Variants in SORCS2 observed in about 807,000 individuals in gnomAD.
SORCS2 encodes sortilin related VPS10 domain containing receptor 2.
A neutral mutation model predicts 141.6 loss-of-function variants in SORCS2; 100 were observed. The ratio of observed to expected loss-of-function variants is 0.71; its 90% CI spans 0.60 to 0.83. The LOEUF is 0.83. Ranked by LOEUF, SORCS2 falls within the 40% of genes least tolerant of loss-of-function variation. The pLI, the probability that SORCS2 is intolerant of heterozygous loss-of-function variation, is 0.00. For missense variants in SORCS2, 1,646 were observed against 1,560.2 expected (o/e 1.05, Z -0.93); for synonymous variants, 789 against 676.9 (o/e 1.17, Z -2.57).
intron 3 of SORCS2, among the ~76,000 whole-genome samples, chr4:7,589,649 C>T (rs1270245803): frequency 6.6e-6 from 1 of 152,222 alleles, no homozygotes; most frequent in Non-Finnish European, 1.5e-5. Flanking sequence ...GATCTGCCCA[C>T]CTCAGCCTCC....
intron 2 of SORCS2, among the ~76,000 whole-genome samples, chr4:7,488,227 T>C (rs920615426): frequency 3.9e-5 from 6 of 152,344 alleles, no homozygotes; most frequent in Admixed American, 3.9e-4. Context: ...AGTCCTTCAG[T>C]TCTGCTGTCC....
At chr4:7,548,916 C>T (rs1713474770) in intron 3 of SORCS2, among the ~76,000 whole-genome samples, 1 of 152,246 alleles carries the variant, frequency 6.6e-6, no homozygotes, top group Non-Finnish European at 1.5e-5. Context: ...CAGCAGGCCA[C>T]TTTCTGAGCC....
At chr4:7,312,594 C>G (rs1263313508) in intron 1 of SORCS2, among the ~76,000 whole-genome samples, 3 of 152,184 alleles carry the variant, frequency 2.0e-5, no homozygotes, top group African/African-American at 2.4e-5. Flanking sequence ...GCCCTCCCTC[C>G]TATGTCAAGC....
chr4:7,303,173 G>A (rs1247439765), intron 1 of SORCS2, among the ~76,000 whole-genome samples: 1 of 152,128 alleles, frequency 6.6e-6, no homozygotes, highest in Admixed American at 6.5e-5. Flanking sequence ...AAAAGAAGCC[G>A]GCATGGGGTC....
At chr4:7,236,944 A>G (rs1357506891) in intron 1 of SORCS2, among the ~76,000 whole-genome samples, 1 of 152,120 alleles carries the variant, frequency 6.6e-6, no homozygotes, top group African/African-American at 2.4e-5. Flanking sequence ...CCAGATGGAG[A>G]CCTGGCCTTG....
At chr4:7,370,205 G>T (rs1468925116) in intron 1 of SORCS2, among the ~76,000 whole-genome samples, 2 of 152,208 alleles carry the variant, frequency 1.3e-5, no homozygotes, top group Non-Finnish European at 1.5e-5. Flanking sequence ...TAACCACCAG[G>T]CTGGGCAAGG....
chr4:7,686,359 TCTC>T (rs1723870559), intron 10 of SORCS2, among the ~76,000 whole-genome samples: 1 of 152,298 alleles, frequency 6.6e-6, no homozygotes, highest in East Asian at 1.9e-4. Flanking sequence ...TGGTGCTGCA[TCTC>T]CCGGCCCTGG....
chr4:7,638,302 G>A (rs1009131789), intron 3 of SORCS2, 26 bp from the exon 4 acceptor site: 1 of 1,494,776 alleles, frequency 6.7e-7, no homozygotes, highest in Non-Finnish European at 8.9e-7. Context: ...CCTGGCCCAG[G>A]CCTCACAACC....
intron 4 of SORCS2, among the ~76,000 whole-genome samples, chr4:7,641,327 A>C (rs1366384603): frequency 1.3e-5 from 2 of 152,208 alleles, no homozygotes; most frequent in African/African-American, 2.4e-5. Flanking sequence ...CATCATCTTC[A>C]CAAGGCATCA....
chr4:7,220,435 T>C (rs1454932958), intron 1 of SORCS2, among the ~76,000 whole-genome samples: 1 of 152,068 alleles, frequency 6.6e-6, no homozygotes, highest in Non-Finnish European at 1.5e-5. Flanking sequence ...AGAAAAGGAA[T>C]GAGTGGATGA....
At chr4:7,464,014 G>C (rs974387304) in intron 2 of SORCS2, among the ~76,000 whole-genome samples, 1 of 152,194 alleles carries the variant, frequency 6.6e-6, no homozygotes, top group African/African-American at 2.4e-5. Flanking sequence ...GGAACTGACT[G>C]TGAACCCAAG....
intron 1 of SORCS2, among the ~76,000 whole-genome samples, chr4:7,270,459 C>T (rs918306376): frequency 5.3e-5 from 8 of 152,222 alleles, no homozygotes; most frequent in Non-Finnish European, 1.2e-4. Flanking sequence ...TTGGATCTGG[C>T]CTGGGGTCTG....
chr4:7,385,350 A>G (rs1723226264), intron 1 of SORCS2, among the ~76,000 whole-genome samples: 1 of 152,170 alleles, frequency 6.6e-6, no homozygotes, highest in Non-Finnish European at 1.5e-5. Flanking sequence ...TGAGGGTGCA[A>G]TGGGGATGCC....
At chr4:7,638,907 C>T (rs536233267) in intron 4 of SORCS2, among the ~76,000 whole-genome samples, 2 of 152,348 alleles carry the variant, frequency 1.3e-5, no homozygotes, top group African/African-American at 4.8e-5. Context: ...ATGTTCTTCT[C>T]CCCTCGCCAA....
intron 2 of SORCS2, among the ~76,000 whole-genome samples, chr4:7,404,248 A>T (rs1724820751): frequency 6.6e-6 from 1 of 152,008 alleles, no homozygotes; most frequent in Non-Finnish European, 1.5e-5. Context: ...TCATCCATTG[A>T]TAGACACTTG....
chr4:7,285,510 G>GCT (rs1716156626), intron 1 of SORCS2, among the ~76,000 whole-genome samples: 1 of 152,256 alleles, frequency 6.6e-6, no homozygotes, highest in Non-Finnish European at 1.5e-5. Context: ...GCGCCTGGCT[G>GCT]CAGTGGGCGG....
intron 1 of SORCS2, among the ~76,000 whole-genome samples, chr4:7,392,338 C>T (rs1051980523): frequency 6.6e-5 from 10 of 151,822 alleles, no homozygotes; most frequent in African/African-American, 9.7e-5. Flanking sequence ...ATGGGCTCTG[C>T]GGGGAGCCCC....
At chr4:7,254,515 C>T (rs966755144) in intron 1 of SORCS2, among the ~76,000 whole-genome samples, 4 of 152,094 alleles carry the variant, frequency 2.6e-5, no homozygotes, top group South Asian at 2.1e-4. Flanking sequence ...AGTGGAGACT[C>T]GGATGGGTGG....
At chr4:7,219,021 C>A (rs557693009) in intron 1 of SORCS2, among the ~76,000 whole-genome samples, 1 of 152,302 alleles carries the variant, frequency 6.6e-6, no homozygotes, top group African/African-American at 2.4e-5. Flanking sequence ...AGAGCCCATG[C>A]CTGGGTGACT....
Sources: allele counts gnomAD v4.1 joint callset (sites outside exome capture counted in the v4.1 genomes callset), GRCh38; gene constraint gnomAD v4.1.1; transcripts MANE v1.5; gene names NCBI Gene and HGNC (gene_info 2026-07-23, HGNC 2026-07-21).